RP1L1: variants seen among roughly 807,000 people sequenced by gnomAD.
The protein encoded by RP1L1 is RP1 like 1, also known as retinitis pigmentosa 1-like 1 protein.
Under a neutral mutation model 15.7 loss-of-function variants are expected in RP1L1, and 27 were observed. The ratio of observed to expected loss-of-function variants is 1.72; its 90% CI spans 1.27 to 2.38. The LOEUF is 2.38. Among genes scored for constraint, RP1L1 ranks in the 30% most tolerant of loss-of-function variants. The pLI is 0.00. For synonymous variants in RP1L1, 1,813 were observed against 1,276.7 expected (o/e 1.42, Z -8.96); for missense variants, 4,798 against 3,075.9 (o/e 1.56, Z -13.24).
At chr8:10,650,092 T>G (rs1028144964) in intron 1 of RP1L1, among the ~76,000 whole-genome samples, 1 of 152,190 alleles carries the variant, frequency 6.6e-6, no homozygotes, top group African/African-American at 2.4e-5. Flanking sequence ...GAAACACGAA[T>G]TTGAGACTCA....
intron 1 of RP1L1, among the ~76,000 whole-genome samples, chr8:10,633,076 A>C (rs952218666): frequency 6.6e-6 from 1 of 152,200 alleles, no homozygotes; most frequent in Non-Finnish European, 1.5e-5. Context: ...AATTCTCTGC[A>C]TCCAACAGCA....
Position 10,606,718 on chromosome 8 carries a change from T to G in RP1L1, c.*177A>C. The G allele has an allele frequency of 9.3e-7, 1 of 1,079,112 alleles. No homozygotes were observed. The highest frequency in any genetic ancestry group is 1.3e-6 in the Non-Finnish European group (1 of 768,032). 66.8% of individuals were successfully genotyped at this position (1,079,112 alleles called of 1,614,324 possible). On this transcript the variant is annotated 3_prime_UTR_variant, in exon 4 of 4. Coordinates refer to ENST00000382483, the MANE Select transcript of RP1L1 (RefSeq NM_178857.6). ...GACGGGCCGCAGAGCTCTCTGACAC[T>G]TCTGGACTTAAGAGTCCCAGGACAG...
rs1381781856 is a variant in RP1L1, at chr8:10,616,509, T to C, written c.688A>G (p.Met230Val). 6.2e-7 allele frequency: 1 copy of C among 1,614,210 alleles called. No homozygotes were observed. The highest frequency in any genetic ancestry group is 8.5e-7 in the Non-Finnish European group (1 of 1,180,036). ...GCCTCGCTTCTCCTGGCATTTTTCA[T>C]GGCTGGGGTTCTGAAGGCCTCATGC... ...AGHEAFRTPA[M>V]KNARRSEAET... Residue 230 changes from methionine (M) to valine (V), a missense_variant, in exon 3 of 4, where the codon ATG becomes GTG. Met to Val is a conservative substitution (Grantham distance 21). Coordinates refer to ENST00000382483, the MANE Select transcript of RP1L1 (RefSeq NM_178857.6).
At chr8:10,634,422 G>T (rs147714289) in intron 1 of RP1L1, among the ~76,000 whole-genome samples, 10 of 152,218 alleles carry the variant, frequency 6.6e-5, no homozygotes, top group Middle Eastern at 3.4e-3. Flanking sequence ...GGCTCCTCCC[G>T]GCATATGGAC....
Position 10,610,119 on chromosome 8 carries a change from T to C in RP1L1, c.3979A>G (p.Thr1327Ala), listed in dbSNP as rs139405108. ...CCCTCTTCTTGCAGCCCTTCTTCTGTTTTAGTTTCCTCTAACTGCACCGCC... is the reference window on the plus strand; with the variant it reads ...CCCTCTTCTTGCAGCCCTTCTTCTGCTTTAGTTTCCTCTAACTGCACCGCC... ...EEAVQLEETK[T>A]EEGLQEEGVQ... is the part of the protein sequence containing the mutation. Residue 1327 changes from threonine (T) to alanine (A), a missense_variant, in exon 4 of 4, where the codon ACA becomes GCA. By Grantham distance (58) the Thr-to-Ala change is moderately conservative (BLOSUM62 0). Transcript: ENST00000382483. The C allele has an allele frequency of 0.045, 47,720 of 1,064,674 alleles. 2,548 individuals are homozygous for C. Among genetic ancestry groups the C allele is most frequent in the South Asian group, 0.063 (4,616 of 73,476 alleles). The allele number at this position is 1,064,674 out of a possible 1,614,324, so 66.0% of individuals were successfully genotyped here.
At position 10,607,866 on chromosome 8, in the gene RP1L1, C is replaced by A. The variant is rs758610056; in HGVS notation, c.6232G>T (p.Ala2078Ser). ...EGEVQEAEGE[A>S]HPESEDVDAQ... The stretch of plus-strand genomic sequence containing the variant: ...TCTACATCTTCTGACTCTGGGTGGG[C>A]CTCCCCTTCTGCCTCCTGGACCTCC... The change falls in exon 4 of 4, where the codon GCC (alanine) becomes TCC (serine). Residue 2078 changes from alanine to serine, a missense_variant. Coordinates refer to ENST00000382483, the MANE Select transcript of RP1L1 (RefSeq NM_178857.6). 1.3e-5 allele frequency: 20 copies of A among 1,597,180 alleles called. No individual in the cohort carries two copies. Among genetic ancestry groups the A allele is most frequent in the Non-Finnish European group, 1.7e-5 (20 of 1,169,210 alleles).
rs369287525 is a variant in RP1L1, at chr8:10,607,667, T to G, written c.6431A>C (p.Glu2144Ala). 153 of 1,589,102 alleles carry G rather than the reference T, an allele frequency of 9.6e-5. 1 individual carries two copies. The East Asian group carries it at 1.5e-3, about 15-fold the overall frequency. ...APEAEGEAQPESEGVEAQDAE... is the reference protein window; with the variant it reads ...APEAEGEAQPASEGVEAQDAE... ...ATCCTGGGCCTCTACACCTTCTGACTCAGGCTGGGCCTCCCCTTCAGCCTC... is the reference window on the plus strand; with the variant it reads ...ATCCTGGGCCTCTACACCTTCTGACGCAGGCTGGGCCTCCCCTTCAGCCTC... The change falls in exon 4 of 4, where the codon GAG (glutamate) becomes GCG (alanine). Residue 2144 changes from glutamate to alanine, a missense_variant. By Grantham distance (107) the Glu-to-Ala change is moderately radical. Coordinates refer to ENST00000382483, the MANE Select transcript of RP1L1 (RefSeq NM_178857.6).
At position 10,611,318 on chromosome 8, in the gene RP1L1, GTCT is replaced by G; in HGVS notation, c.2777_2779del (p.Lys926del). 1 of 1,612,812 alleles carries G rather than the reference GTCT, an allele frequency of 6.2e-7. No homozygotes were observed. Among genetic ancestry groups the G allele is most frequent in the Non-Finnish European group, 8.5e-7 (1 of 1,179,992 alleles). On this transcript the variant is annotated inframe_deletion, in exon 4 of 4. Coordinates refer to ENST00000382483, the MANE Select transcript of RP1L1 (RefSeq NM_178857.6). ...CTGGGGGCCTCCCCCACTCCTCAAGGTCTTCTCCTCGGACAGCCCCCGAGACCC... is the reference window on the plus strand; with the variant it reads ...CTGGGGGCCTCCCCCACTCCTCAAGGTCTCCTCGGACAGCCCCCGAGACCC...
chr8:10,608,737 C>T lies in RP1L1; in HGVS notation c.5361G>A (p.Leu1787=). The change falls in exon 4 of 4, where the codon TTG becomes TTA. Residue 1787 remains leucine, a synonymous_variant. Coordinates refer to ENST00000382483, the MANE Select transcript of RP1L1 (RefSeq NM_178857.6). Reference sequence around the variant, plus strand: ...CCTCTCCCTCCTGCTCAGCTTCCCCCAACTCACTGCCCGCACTGGTTTCAC... The same window carrying T: ...CCTCTCCCTCCTGCTCAGCTTCCCCTAACTCACTGCCCGCACTGGTTTCAC... ...HNSETSAGSE[L]GEAEQEGEGI... is the part of the protein sequence containing the mutation. 1 of 1,614,250 alleles carries T rather than the reference C, an allele frequency of 6.2e-7. No individual in the cohort carries two copies. Among genetic ancestry groups the T allele is most frequent in the South Asian group, 1.1e-5 (1 of 91,090 alleles).
At chr8:10,621,467 A>G in intron 2 of RP1L1, 1 of 303,876 alleles carries the variant, frequency 3.3e-6, no homozygotes, top group Non-Finnish European at 6.5e-6. Flanking sequence ...CTGGGATTAC[A>G]GGTGTGCGCC....
At chr8:10,648,419 G>T (rs1323232404) in intron 1 of RP1L1, among the ~76,000 whole-genome samples, 2 of 151,998 alleles carry the variant, frequency 1.3e-5, no homozygotes, top group Non-Finnish European at 1.5e-5. Flanking sequence ...TAGATTCCCA[G>T]CGTCCCCCTA....
At chr8:10,622,476 T>TAGC (rs1798075932) in intron 2 of RP1L1, 117 bp downstream of exon 2, 2 of 1,322,844 alleles carry the variant, frequency 1.5e-6, no homozygotes, top group Non-Finnish European at 2.2e-6. Context: ...CACCTTTAAT[T>TAGC]AGCAGCAGGG....
At chr8:10,630,831 G>A (rs1235419080) in intron 1 of RP1L1, among the ~76,000 whole-genome samples, 1 of 152,244 alleles carries the variant, frequency 6.6e-6, no homozygotes, top group Non-Finnish European at 1.5e-5. Flanking sequence ...AATGACAACT[G>A]CTTGCCAACA....
At chr8:10,650,798 C>G (rs1798548228) in intron 1 of RP1L1, among the ~76,000 whole-genome samples, 1 of 152,166 alleles carries the variant, frequency 6.6e-6, no homozygotes, top group African/African-American at 2.4e-5. Flanking sequence ...AACTCCTGAC[C>G]TCAGGTGATC....
chr8:10,621,765 G>A (rs961993157), intron 2 of RP1L1: 2 of 506,670 alleles, frequency 3.9e-6, no homozygotes, highest in South Asian at 1.5e-5. Flanking sequence ...TTTCATGTCC[G>A]GCAGAACCTG....
In RP1L1 at chr8:10,609,174, C is replaced by T. The variant is rs759820250; in HGVS notation, c.4924G>A (p.Ala1642Thr). 6.2e-7 allele frequency: 1 copy of T among 1,612,990 alleles called. No individual in the cohort carries two copies. The highest frequency in any genetic ancestry group is 8.5e-7 in the Non-Finnish European group (1 of 1,180,026). The change falls in exon 4 of 4, where the codon GCC (alanine) becomes ACC (threonine). Residue 1642 changes from alanine (A) to threonine (T), a missense_variant. Transcript: ENST00000382483. ...TCCTCGCCCAGCTGGCTCCCCAGGG[C>T]TGTGCTGAGGGCTGGCTCGTCCTCC... ...TLEDEPALSTALGSQLGEEAE... is the reference protein window; with the variant it reads ...TLEDEPALSTTLGSQLGEEAE...
Position 10,613,530 on chromosome 8 carries a change from G to T in RP1L1, c.752-184C>A, listed in dbSNP as rs150791353. On this transcript the variant is annotated intron_variant, in intron 3 of 3. Transcript: ENST00000382483. ...TGTAATCCAAGCACTTTGGGAGGCCGAGGCGGGAGGACTGCTTGAGCTCAG... is the reference window on the plus strand; with the variant it reads ...TGTAATCCAAGCACTTTGGGAGGCCTAGGCGGGAGGACTGCTTGAGCTCAG... 1.6e-3 allele frequency among the ~76,000 whole-genome samples: 243 copies of T among 148,288 alleles called. 6 individuals are homozygous for T. The East Asian group carries it at 0.044, about 27-fold the overall frequency.
intron 3 of RP1L1, among the ~76,000 whole-genome samples, 189 bp downstream of exon 3, chr8:10,616,257 T>G (rs909638190): frequency 1.3e-5 from 2 of 152,092 alleles, no homozygotes; most frequent in Non-Finnish European, 2.9e-5. Flanking sequence ...CTTGGTCAAA[T>G]GTTGAACCCA....
rs374781609 is a variant in RP1L1 at position 10,610,480 on chromosome 8, G to A, written c.3618C>T (p.Gly1206=). The change falls in exon 4 of 4, where the codon GGC becomes GGT. Residue 1206 remains glycine, a synonymous_variant. Coordinates refer to ENST00000382483, the MANE Select transcript of RP1L1 (RefSeq NM_178857.6). ...CGCTACTCTCCCCTGAGCCTCCAGA[G>A]CCGCTGCTGATGTCCACACCAGAGG... ...TSSSGVDISS[G]SGGSGESSVP... 6.1e-5 allele frequency: 98 copies of A among 1,613,638 alleles called. No homozygotes were observed. The highest frequency in any genetic ancestry group is 7.9e-5 in the Non-Finnish European group (93 of 1,180,022).
Sources: gnomAD v4.1 joint callset for allele counts (sites outside exome capture counted in the v4.1 genomes callset) on GRCh38, gnomAD v4.1.1 for gene constraint, MANE v1.5 for transcripts, NCBI Gene and HGNC (gene_info 2026-07-23, HGNC 2026-07-21) for gene names.